GLI2: variants seen among roughly 807,000 people sequenced by gnomAD.
The protein encoded by GLI2 is GLI family zinc finger 2.
GLI2 carries 22 observed loss-of-function variants against 78.9 expected under a neutral mutation model. The observed-to-expected ratio is 0.28, with a 90% CI of 0.20 to 0.40. The LOEUF is 0.40. Ranked by LOEUF, GLI2 falls within the 10% of genes least tolerant of loss-of-function variation. The probability of loss-of-function intolerance (pLI) is 1.00; values close to 1 mark genes in which losing one functional copy is unlikely to be tolerated. For synonymous variants in GLI2, 974 were observed against 963.7 expected (o/e 1.01, Z -0.20); for missense variants, 2,097 against 2,213.2 (o/e 0.95, Z 1.05).
At chr2:120,831,034 T>C (rs1573447411) in intron 2 of GLI2, among the ~76,000 whole-genome samples, 1 of 151,844 alleles carries the variant, frequency 6.6e-6, no homozygotes, top group East Asian at 1.9e-4. Context: ...TCATTCTTTT[T>C]CCCTCATTTG....
chr2:120,935,834 T>G (rs1420704135), intron 3 of GLI2, among the ~76,000 whole-genome samples: 1 of 152,206 alleles, frequency 6.6e-6, no homozygotes, highest in Non-Finnish European at 1.5e-5. Context: ...TGTAAAAGTT[T>G]AACGAGGAGC....
chr2:120,835,285 G>T (rs1179203627), intron 2 of GLI2, among the ~76,000 whole-genome samples: 4 of 152,118 alleles, frequency 2.6e-5, no homozygotes, highest in African/African-American at 9.7e-5. Context: ...CCAGGCTTTG[G>T]TGGGAGTTGA....
chr2:120,751,616 G>C (rs1682876246), intron 1 of GLI2, among the ~76,000 whole-genome samples: 1 of 152,058 alleles, frequency 6.6e-6, no homozygotes, highest in Non-Finnish European at 1.5e-5. Context: ...CTTGAAAAGA[G>C]GAAAAGAAGG....
Position 120,953,155 on chromosome 2 carries a change from A to G in GLI2, c.457+1710A>G, listed in dbSNP as rs553779189. The stretch of plus-strand genomic sequence containing the variant: ...AAGTTAGGTCTCTTAAGCTGAAGAG[A>G]TCATCCCAGATTATCCACACAGGCC... On this transcript the variant is annotated intron_variant, in intron 4 of 13. Transcript: ENST00000361492. 2.6e-5 allele frequency among the ~76,000 whole-genome samples: 4 copies of G among 152,330 alleles called. No individual in the cohort carries two copies. In the South Asian group the frequency reaches 8.3e-4, roughly 32 times the overall value.
chr2:120,984,422 G>C, intron 11 of GLI2, 49 bp from the exon 12 acceptor site: 1 of 1,601,474 alleles, frequency 6.2e-7, no homozygotes, highest in Non-Finnish European at 8.6e-7. Context: ...CCCCTTCAGA[G>C]TTGATCCTCG....
rs12617878 is a variant in GLI2 at position 120,955,465 on chromosome 2, T to C, written c.643+35T>C. ...GGCCCCCAGGGGCTGAGGATGGGGC[T>C]AGCAGATCTCCTCTTGAGGCTGAGA... On this transcript the variant is annotated intron_variant, in intron 5 of 13. Transcript: ENST00000361492. 1,250,343 of 1,364,864 alleles carry C rather than the reference T, an allele frequency of 0.92. 584,437 individuals carry two copies. The highest frequency in any genetic ancestry group is 1 in the East Asian group (41,653 of 41,666). 84.5% of individuals were successfully genotyped at this position (1,364,864 alleles called of 1,614,324 possible).
chr2:120,775,137 C>A (rs368645370), intron 1 of GLI2, among the ~76,000 whole-genome samples: 1 of 152,180 alleles, frequency 6.6e-6, no homozygotes, highest in East Asian at 1.9e-4. Flanking sequence ...TATCACCTCC[C>A]CTTCTGTGAC....
intron 2 of GLI2, among the ~76,000 whole-genome samples, chr2:120,889,011 C>T (rs914610925): frequency 6.6e-5 from 10 of 152,222 alleles, no homozygotes; most frequent in South Asian, 4.2e-4. Context: ...CCAGGCTAGA[C>T]GGCCGTGAGG....
intron 3 of GLI2, among the ~76,000 whole-genome samples, chr2:120,948,682 G>C (rs181469587): frequency 7.9e-4 from 121 of 152,308 alleles, no homozygotes; most frequent in African/African-American, 2.9e-3. Context: ...TCACCATGTA[G>C]CTTGAAATCC....
Position 120,971,030 on chromosome 2 carries a change from G to A in GLI2, c.1059+424G>A, listed in dbSNP as rs539358099. On this transcript the variant is annotated intron_variant, in intron 7 of 13. Transcript: ENST00000361492. Reference sequence around the variant, plus strand: ...GCCTTGAGCATGCCTGGGCATCCTAGTACAGTGCCTGGCACATCCTAGGTG... The same window carrying A: ...GCCTTGAGCATGCCTGGGCATCCTAATACAGTGCCTGGCACATCCTAGGTG... Among the ~76,000 whole-genome samples, 330 of 152,212 alleles carry A rather than the reference G, an allele frequency of 2.2e-3. 1 individual carries two copies. Among genetic ancestry groups the A allele is most frequent in the Non-Finnish European group, 3.9e-3 (268 of 68,028 alleles).
chr2:120,754,654 T>C (rs1474471364), intron 1 of GLI2, among the ~76,000 whole-genome samples: 1 of 152,232 alleles, frequency 6.6e-6, no homozygotes, highest in East Asian at 1.9e-4. Context: ...ATAATTTGTT[T>C]GTCCAGATGC....
At chr2:120,846,291 G>A (rs1351109759) in intron 2 of GLI2, among the ~76,000 whole-genome samples, 1 of 152,208 alleles carries the variant, frequency 6.6e-6, no homozygotes, top group East Asian at 1.9e-4. Context: ...GTGAGAGATA[G>A]GTGGAGTTCT....
intron 2 of GLI2, among the ~76,000 whole-genome samples, chr2:120,909,692 T>C (rs914408854): frequency 2.0e-5 from 3 of 152,096 alleles, no homozygotes; most frequent in East Asian, 1.9e-4. Flanking sequence ...GGTGAAACCC[T>C]GTCTCTACTA....
At chr2:120,987,697 G>T (rs1683043675) in intron 13 of GLI2, among the ~76,000 whole-genome samples, 1 of 152,200 alleles carries the variant, frequency 6.6e-6, no homozygotes. Context: ...TGTGCCAGGA[G>T]ACCAACCTGG....
chr2:120,827,835 C>T (rs1018242966), intron 2 of GLI2, among the ~76,000 whole-genome samples: 9 of 152,062 alleles, frequency 5.9e-5, no homozygotes, highest in African/African-American at 2.2e-4. Flanking sequence ...TCGTCAGAAT[C>T]GTAGAGACAG....
chr2:120,950,602 A>G (rs1680931291), intron 3 of GLI2, among the ~76,000 whole-genome samples: 1 of 152,168 alleles, frequency 6.6e-6, no homozygotes, highest in Non-Finnish European at 1.5e-5. Context: ...TGGTTCTGTT[A>G]GCGCTAGGAG....
rs377057718 is a variant in GLI2 at position 120,760,459 on chromosome 2, C to G, written c.-31+24174C>G. Reference sequence around the variant, plus strand: ...GAGGCAGGGTGGACCCTTCCCCAGGCCTGGAGTGACTTCTGGAGGTTGTGT... The same window carrying G: ...GAGGCAGGGTGGACCCTTCCCCAGGGCTGGAGTGACTTCTGGAGGTTGTGT... On this transcript the variant is annotated intron_variant, in intron 1 of 13. Coordinates refer to ENST00000361492, the MANE Select transcript of GLI2 (RefSeq NM_001374353.1). Among the ~76,000 whole-genome samples the G allele has an allele frequency of 2.6e-5, 4 of 152,154 alleles. No individual in the cohort carries two copies. In the East Asian group the frequency reaches 7.7e-4, roughly 29 times the overall value.
intron 1 of GLI2, among the ~76,000 whole-genome samples, chr2:120,780,189 G>A (rs1002185455): frequency 3.9e-5 from 6 of 152,094 alleles, no homozygotes; most frequent in African/African-American, 9.7e-5. Flanking sequence ...GCATGTGGGC[G>A]GGCGTGCCAC....
In GLI2 at chr2:120,972,037, C is replaced by T. The variant is rs188531549; in HGVS notation, c.1156C>T (p.Pro386Ser). 5 of 1,613,404 alleles carry T rather than the reference C, an allele frequency of 3.1e-6. No individual in the cohort carries two copies. The highest frequency in any genetic ancestry group is 3.4e-6 in the Non-Finnish European group (4 of 1,179,998). The change falls in exon 8 of 14, where the codon CCG becomes TCG. Residue 386 changes from proline to serine, a missense_variant. By Grantham distance (74) the Pro-to-Ser change is moderately conservative. Around this residue, in one of 5 missense-constraint regions of GLI2, gnomAD observed 578 missense variants for 612.0 expected, o/e 0.94. Coordinates refer to ENST00000361492, the MANE Select transcript of GLI2 (RefSeq NM_001374353.1). Reference protein sequence around the residue: ...KVKTEPEGLRPASPLALTQEQ... With the variant: ...KVKTEPEGLRSASPLALTQEQ... ...CAAGACCGAGCCTGAGGGCCTGCGG[C>T]CGGCCTCCCCTCTGGCGCTGACGCA... is the stretch of plus-strand genomic sequence containing the variant.
Sources: allele counts gnomAD v4.1 joint callset (sites outside exome capture counted in the v4.1 genomes callset), GRCh38; gene constraint gnomAD v4.1.1; regional missense constraint gnomAD v4.1.1; transcripts MANE v1.5; gene names NCBI Gene and HGNC (gene_info 2026-07-23, HGNC 2026-07-21).